CDCA2: variants seen among roughly 807,000 people sequenced by gnomAD.
CDCA2 encodes cell division cycle associated 2, also known as cell division cycle-associated protein 2.
Under a neutral mutation model 67.0 loss-of-function variants are expected in CDCA2, and 44 were observed. The observed-to-expected ratio is 0.66, with a 90% CI of 0.52 to 0.84. CDCA2 has a LOEUF of 0.84. CDCA2 is among the 40% of genes least tolerant of loss of function. The probability of loss-of-function intolerance (pLI) is 0.00; values close to 1 mark genes in which losing one functional copy is unlikely to be tolerated. For synonymous variants in CDCA2, 447 were observed against 418.7 expected (o/e 1.07, Z -0.82); for missense variants, 1,253 against 1,203.2 (o/e 1.04, Z -0.61).
chr8:25,498,811 G>A (rs537453870), intron 13 of CDCA2, among the ~76,000 whole-genome samples: 2 of 152,266 alleles, frequency 1.3e-5, no homozygotes, highest in Non-Finnish European at 1.5e-5. Flanking sequence ...ATGGAGTCAT[G>A]TACTGTGTAA....
chr8:25,498,570 T>C (rs943102605), intron 13 of CDCA2, among the ~76,000 whole-genome samples: 2 of 150,926 alleles, frequency 1.3e-5, no homozygotes, highest in South Asian at 2.1e-4. Flanking sequence ...TTCTAAGAAG[T>C]AATGCAGAAA....
At chr8:25,463,282 CAG>C (rs1802773338) in intron 4 of CDCA2, among the ~76,000 whole-genome samples, 1 of 152,122 alleles carries the variant, frequency 6.6e-6, no homozygotes, top group Admixed American at 6.6e-5. Context: ...CCTAAAAAGT[CAG>C]ATACAGTCTT....
At chr8:25,465,812 G>A (rs1411356083) in intron 4 of CDCA2, among the ~76,000 whole-genome samples, 1 of 152,172 alleles carries the variant, frequency 6.6e-6, no homozygotes, top group Non-Finnish European at 1.5e-5. Context: ...AGACTTACCT[G>A]TGACACAAGC....
At chr8:25,478,473 A>G (rs2117506317) in intron 7 of CDCA2, among the ~76,000 whole-genome samples, 1 of 152,256 alleles carries the variant, frequency 6.6e-6, no homozygotes, top group South Asian at 2.1e-4. Flanking sequence ...TTTAAAATGT[A>G]AGTCACAGTA....
Position 25,467,157 on chromosome 8 carries a change from T to G in CDCA2, c.538+832T>G, listed in dbSNP as rs982098189. Among the ~76,000 whole-genome samples the G allele has an allele frequency of 1.2e-3, 188 of 150,794 alleles. 1 individual carries two copies. The highest frequency in any genetic ancestry group is 2.2e-3 in the Non-Finnish European group (151 of 67,752). Reference sequence around the variant, plus strand: ...ATTCATTTGGTTGTTTTTTCAGTCTTTTTTTTTTCCCCCCCAATCACGAAG... The same window carrying G: ...ATTCATTTGGTTGTTTTTTCAGTCTGTTTTTTTTCCCCCCCAATCACGAAG... On this transcript the variant is annotated intron_variant, in intron 5 of 14. Transcript: ENST00000330560.
chr8:25,506,458 C>A (rs965389900), intron 14 of CDCA2, 52 bp from the exon 15 acceptor site: 7 of 1,435,924 alleles, frequency 4.9e-6, no homozygotes, highest in Non-Finnish European at 6.5e-6. Context: ...ATGTAAAGTT[C>A]ATTCCCATTG....
At chr8:25,491,997 T>A (rs1223288679) in intron 13 of CDCA2, among the ~76,000 whole-genome samples, 1 of 152,032 alleles carries the variant, frequency 6.6e-6, no homozygotes, top group Non-Finnish European at 1.5e-5. Context: ...GGGGTTTCAC[T>A]ATGTTAGCCA....
intron 3 of CDCA2, among the ~76,000 whole-genome samples, chr8:25,461,232 A>G (rs1663600309): frequency 7.1e-6 from 1 of 140,524 alleles, no homozygotes; most frequent in Non-Finnish European, 1.5e-5. Context: ...GCACCATTGC[A>G]TTCCAGCCTG....
rs890418298 is a variant in CDCA2 at position 25,469,881 on chromosome 8, C to A, written c.736-15C>A. On this transcript the variant is annotated splice_polypyrimidine_tract_variant and intron_variant, in intron 6 of 14. Coordinates refer to ENST00000330560, the MANE Select transcript of CDCA2 (RefSeq NM_152562.4). ...TAATTAATAAAATGTAATACTCTTT[C>A]AATTTTTCCCCAAGATATCATCTAA... 1.3e-6 allele frequency: 2 copies of A among 1,563,352 alleles called. No homozygotes were observed. Among genetic ancestry groups the A allele is most frequent in the South Asian group, 2.3e-5 (2 of 88,856 alleles).
intron 8 of CDCA2, among the ~76,000 whole-genome samples, chr8:25,481,932 G>A (rs946998278): frequency 7.2e-5 from 11 of 152,170 alleles, no homozygotes; most frequent in African/African-American, 2.2e-4. Context: ...TTTGGGGCAG[G>A]ACTATTTCTT....
At chr8:25,488,158 G>C (rs1039964123) in intron 12 of CDCA2, among the ~76,000 whole-genome samples, 3 of 152,072 alleles carry the variant, frequency 2.0e-5, no homozygotes, top group Admixed American at 1.3e-4. Flanking sequence ...TTAGCTTATA[G>C]GGTTGGATAT....
intron 7 of CDCA2, among the ~76,000 whole-genome samples, chr8:25,473,518 C>T (rs535876908): frequency 2.0e-5 from 3 of 152,198 alleles, no homozygotes; most frequent in Non-Finnish European, 2.9e-5. Context: ...TCAAAATCAG[C>T]CCTTCCAGGA....
chr8:25,476,705 C>T lies in CDCA2; in HGVS notation c.821-3208C>T, dbSNP rs377385068. Among the ~76,000 whole-genome samples the T allele has an allele frequency of 2.6e-5, 4 of 152,138 alleles. No individual in the cohort carries two copies. The East Asian group carries it at 7.8e-4, about 29-fold the overall frequency. ...AGTAGCTGGGACTACAGGTGCCCGC[C>T]ACCACACCCAGCTAATTTTTGTATT... is the stretch of plus-strand genomic sequence containing the variant. On this transcript the variant is annotated intron_variant, in intron 7 of 14. Coordinates refer to ENST00000330560, the MANE Select transcript of CDCA2 (RefSeq NM_152562.4).
chr8:25,486,619 T>C (rs563583879), intron 11 of CDCA2, among the ~76,000 whole-genome samples: 1 of 149,886 alleles, frequency 6.7e-6, no homozygotes, highest in African/African-American at 2.5e-5. Flanking sequence ...CCTGGTCAAC[T>C]TGGTGAAACC....
intron 4 of CDCA2, among the ~76,000 whole-genome samples, chr8:25,463,070 C>A (rs7815856): frequency 6.6e-6 from 1 of 152,078 alleles, no homozygotes; most frequent in Non-Finnish European, 1.5e-5. Flanking sequence ...TTAAGATCTA[C>A]TTTTCTATGA....
chr8:25,487,463 C>G (rs1268271225), intron 12 of CDCA2, 129 bp downstream of exon 12: 14 of 653,952 alleles, frequency 2.1e-5, no homozygotes, highest in Non-Finnish European at 3.4e-5. Flanking sequence ...ATACTTTGGC[C>G]AGGCACCGTG....
chr8:25,465,470 C>T (rs1802863107), intron 4 of CDCA2, among the ~76,000 whole-genome samples: 1 of 152,110 alleles, frequency 6.6e-6, no homozygotes, highest in Non-Finnish European at 1.5e-5. Flanking sequence ...TATTACTTGT[C>T]TTTAACTGGC....
chr8:25,495,551 A>G (rs1262785770), intron 13 of CDCA2, among the ~76,000 whole-genome samples: 1 of 152,000 alleles, frequency 6.6e-6, no homozygotes, highest in East Asian at 1.9e-4. Context: ...AGTAGCTAGG[A>G]ATACAGGCAC....
chr8:25,466,333 G>A lies in CDCA2; in HGVS notation c.538+8G>A. On this transcript the variant is annotated splice_region_variant and intron_variant, in intron 5 of 14. Coordinates refer to ENST00000330560, the MANE Select transcript of CDCA2 (RefSeq NM_152562.4). The stretch of plus-strand genomic sequence containing the variant: ...CCGAGATGACAGACTTGAGTGAGTA[G>A]AAATAATTCGTTCAGTTTTGACTTC... 6.4e-7 allele frequency: 1 copy of A among 1,574,388 alleles called. No homozygotes were observed.
Sources: gnomAD v4.1 joint callset for allele counts (sites outside exome capture counted in the v4.1 genomes callset) on GRCh38, gnomAD v4.1.1 for gene constraint, MANE v1.5 for transcripts, NCBI Gene and HGNC (gene_info 2026-07-23, HGNC 2026-07-21) for gene names.